CNTNAP5: variants seen among roughly 807,000 people sequenced by gnomAD.
CNTNAP5 encodes the protein contactin associated protein family member 5.
Under a neutral mutation model 150.2 loss-of-function variants are expected in CNTNAP5, and 72 were observed. That is an observed-to-expected ratio of 0.48 (90% CI 0.40 to 0.58). The LOEUF (loss-of-function observed/expected upper bound fraction) is 0.58, where lower values mean the gene tolerates loss of function less well. Among genes scored for constraint, CNTNAP5 ranks in the 20% least tolerant of loss-of-function variants. The probability of loss-of-function intolerance (pLI) is 0.00; values close to 1 mark genes in which losing one functional copy is unlikely to be tolerated. For missense variants in CNTNAP5, 1,636 were observed against 1,626.2 expected (o/e 1.01, Z -0.10); for synonymous variants, 672 against 619.8 (o/e 1.08, Z -1.25).
At chr2:124,649,848 G>A (rs1430355957) in intron 13 of CNTNAP5, among the ~76,000 whole-genome samples, 10 of 152,084 alleles carry the variant, frequency 6.6e-5, no homozygotes, top group Admixed American at 5.9e-4. Context: ...AACAAATACT[G>A]GTGTCCTTAT....
At chr2:124,558,918 G>C (rs1011232768) in intron 10 of CNTNAP5, among the ~76,000 whole-genome samples, 20 of 152,204 alleles carry the variant, frequency 1.3e-4, no homozygotes, top group Non-Finnish European at 2.6e-4. Flanking sequence ...TCTGTCTCTA[G>C]TCTACCTAGT....
intron 8 of CNTNAP5, among the ~76,000 whole-genome samples, chr2:124,504,927 G>T (rs1296393514): frequency 1.3e-5 from 2 of 151,876 alleles, no homozygotes; most frequent in African/African-American, 2.4e-5. Context: ...AGGATGGTCT[G>T]CATCTCTTGA....
At position 124,915,035 on chromosome 2, in the gene CNTNAP5, A is replaced by G. The variant is rs1165245854; in HGVS notation, c.*747A>G. 1.3e-5 allele frequency: 2 copies of G among 155,768 alleles called. No individual in the cohort carries two copies. Among genetic ancestry groups the G allele is most frequent in the African/African-American group, 4.8e-5 (2 of 41,412 alleles). The allele number at this position is 155,768 out of a possible 1,614,324, so 9.6% of individuals were successfully genotyped here. The stretch of plus-strand genomic sequence containing the variant: ...AGCAGCTTGAAACTAGGAGGTAACA[A>G]GAAAGCTTCTAGGAAGTAGATGTTC... On this transcript the variant is annotated 3_prime_UTR_variant, in exon 24 of 24. Transcript: ENST00000682447.
chr2:124,261,730 T>C (rs1256515990), intron 3 of CNTNAP5, among the ~76,000 whole-genome samples: 1 of 152,160 alleles, frequency 6.6e-6, no homozygotes, highest in African/African-American at 2.4e-5. Flanking sequence ...CAGTGACATT[T>C]CCTTATTTCT....
At chr2:124,715,680 A>G (rs1389335641) in intron 13 of CNTNAP5, among the ~76,000 whole-genome samples, 3 of 152,238 alleles carry the variant, frequency 2.0e-5, no homozygotes, top group Admixed American at 6.5e-5. Flanking sequence ...TTTATATACC[A>G]TTGATGAGAA....
chr2:124,178,665 C>G (rs1191967800), intron 1 of CNTNAP5, among the ~76,000 whole-genome samples: 2 of 152,296 alleles, frequency 1.3e-5, no homozygotes, highest in South Asian at 4.2e-4. Flanking sequence ...AGGTAGTGCT[C>G]ATTCTCCACC....
intron 3 of CNTNAP5, among the ~76,000 whole-genome samples, chr2:124,396,881 C>T (rs1308010268): frequency 6.6e-6 from 1 of 152,150 alleles, no homozygotes; most frequent in African/African-American, 2.4e-5. Context: ...ACAGGTCCCC[C>T]AGTATTTTGC....
intron 17 of CNTNAP5, chr2:124,778,778 A>T (rs1681381106): frequency 6.6e-6 from 1 of 152,150 alleles, no homozygotes; most frequent in Non-Finnish European, 1.5e-5. Flanking sequence ...GAGGATTCTG[A>T]ATGGTAATGT....
chr2:124,597,283 G>A (rs1395920656), intron 11 of CNTNAP5, among the ~76,000 whole-genome samples: 1 of 150,568 alleles, frequency 6.6e-6, no homozygotes, highest in Non-Finnish European at 1.5e-5. Flanking sequence ...GCTGGTACCG[G>A]TTGTTCCTTT....
intron 3 of CNTNAP5, among the ~76,000 whole-genome samples, chr2:124,323,065 C>A (rs1475588206): frequency 1.3e-5 from 2 of 152,084 alleles, no homozygotes; most frequent in Non-Finnish European, 2.9e-5. Context: ...GATTAAGGCA[C>A]CAGCAGGTTT....
chr2:124,519,919 G>T (rs540674942), intron 8 of CNTNAP5, among the ~76,000 whole-genome samples: 4 of 152,314 alleles, frequency 2.6e-5, no homozygotes, highest in Admixed American at 2.6e-4. Context: ...GCACCTGAGA[G>T]AAGCCATGAG....
intron 7 of CNTNAP5, among the ~76,000 whole-genome samples, chr2:124,481,122 G>T (rs2104839956): frequency 6.6e-6 from 1 of 152,276 alleles, no homozygotes; most frequent in South Asian, 2.1e-4. Context: ...TTCGGGTGAG[G>T]GCTCCCTTCC....
intron 13 of CNTNAP5, among the ~76,000 whole-genome samples, chr2:124,711,551 C>T (rs969923177): frequency 1.3e-4 from 20 of 152,042 alleles, no homozygotes; most frequent in African/African-American, 2.9e-4. Flanking sequence ...ATGGCTTAAG[C>T]GATATGGATA....
At chr2:124,082,465 T>C (rs1682582924) in intron 1 of CNTNAP5, among the ~76,000 whole-genome samples, 2 of 152,202 alleles carry the variant, frequency 1.3e-5, no homozygotes, top group East Asian at 1.9e-4. Context: ...CAACTATTTA[T>C]TTTTCTTTTC....
At chr2:124,635,513 T>C (rs947265300) in intron 12 of CNTNAP5, among the ~76,000 whole-genome samples, 10 of 152,188 alleles carry the variant, frequency 6.6e-5, no homozygotes, top group Admixed American at 2.6e-4. Flanking sequence ...GGATCATGAA[T>C]GCAGAGATGC....
At chr2:124,661,417 C>A (rs911550180) in intron 13 of CNTNAP5, among the ~76,000 whole-genome samples, 4 of 152,030 alleles carry the variant, frequency 2.6e-5, no homozygotes, top group African/African-American at 9.7e-5. Context: ...CGCAAAGAAT[C>A]AGGATTATCA....
intron 3 of CNTNAP5, among the ~76,000 whole-genome samples, chr2:124,264,512 T>C (rs1216487047): frequency 6.6e-6 from 1 of 151,884 alleles, no homozygotes; most frequent in Non-Finnish European, 1.5e-5. Context: ...GCAACATAAA[T>C]ATGGTCAGCC....
At chr2:124,131,858 G>T (rs1482471276) in intron 1 of CNTNAP5, among the ~76,000 whole-genome samples, 1 of 152,154 alleles carries the variant, frequency 6.6e-6, no homozygotes, top group East Asian at 1.9e-4. Context: ...TTTTAGTTGA[G>T]TGGGGATAAG....
chr2:124,122,237 T>C (rs1395543637), intron 1 of CNTNAP5, among the ~76,000 whole-genome samples: 1 of 152,196 alleles, frequency 6.6e-6, no homozygotes, highest in Non-Finnish European at 1.5e-5. Flanking sequence ...ATGAAATAAC[T>C]GTAACATGAT....
Sources: allele counts gnomAD v4.1 joint callset (sites outside exome capture counted in the v4.1 genomes callset), GRCh38; gene constraint gnomAD v4.1.1; transcripts MANE v1.5; gene names NCBI Gene and HGNC (gene_info 2026-07-23, HGNC 2026-07-21).